UBR3: variants seen among roughly 807,000 people sequenced by gnomAD.
UBR3 encodes the protein ubiquitin protein ligase E3 component n-recognin 3, also known as E3 ubiquitin-protein ligase UBR3.
Under a neutral mutation model 243.2 loss-of-function variants are expected in UBR3, and 85 were observed. That is an observed-to-expected ratio of 0.35 (90% confidence interval 0.29 to 0.42). UBR3 has a LOEUF of 0.42. Ranked by LOEUF, UBR3 falls within the 10% of genes least tolerant of loss-of-function variation. UBR3 has a pLI of 1.00. For missense variants in UBR3, 1,686 were observed against 2,300.8 expected, an observed-to-expected ratio of 0.73 and a Z score of 5.47; for synonymous variants, 748 against 799.8, an observed-to-expected ratio of 0.94 and a Z score of 1.09.
intron 19 of UBR3, among the ~76,000 whole-genome samples, chr2:169,933,642 G>A (rs866559675): frequency 6.6e-6 from 1 of 151,958 alleles, no homozygotes; most frequent in Non-Finnish European, 1.5e-5. Context: ...TCTTTTACTT[G>A]TGCTTTCCTA....
At position 169,827,837 on chromosome 2, in the gene UBR3, G is replaced by A. The variant is rs966266682; in HGVS notation, c.330G>A (p.Ala110=). The A allele has an allele frequency of 1.8e-5, 27 of 1,503,496 alleles. No homozygotes were observed. In the African/African-American group the frequency reaches 2.9e-4, roughly 16 times the overall value. 93.1% of individuals were successfully genotyped at this position (1,503,496 alleles called of 1,614,324 possible). A position where few individuals can be genotyped will look rare whatever the true frequency, so the allele number is the denominator to read the frequency against. The change falls in exon 1 of 39, where the codon GCG becomes GCA. Residue 110 remains alanine, a synonymous_variant. Coordinates refer to ENST00000272793, the MANE Select transcript of UBR3 (RefSeq NM_172070.4). ...GGGGYDEFCA[A]VRAYDPAALC... ...GCGGCTACGACGAGTTCTGCGCGGC[G>A]GTGCGGGCCTACGATCCCGCGGCGC...
chr2:169,906,598 A>T (rs1310265254), intron 10 of UBR3, among the ~76,000 whole-genome samples: 1 of 151,954 alleles, frequency 6.6e-6, no homozygotes, highest in Non-Finnish European at 1.5e-5. Context: ...GTCTCCAGAA[A>T]CCTTGGGCAG....
rs35294426 is a variant in UBR3, at chr2:170,082,378, A to AT, written c.*541dup. The AT allele has an allele frequency of 1.3e-5, 2 of 152,582 alleles. No individual in the cohort carries two copies. Among genetic ancestry groups the AT allele is most frequent in the Non-Finnish European group, 2.9e-5 (2 of 68,028 alleles). The allele number at this position is 152,582 out of a possible 1,614,324, so 9.5% of individuals were successfully genotyped here. Reference sequence around the variant, plus strand: ...GTTGGTCTAATAGTAGAACTTTAAAATTTTTTCTTATTGTGAGGAATCTGT... The same window carrying AT: ...GTTGGTCTAATAGTAGAACTTTAAAATTTTTTTCTTATTGTGAGGAATCTGT... On this transcript the variant is annotated 3_prime_UTR_variant, in exon 39 of 39. Transcript: ENST00000272793.
At chr2:169,862,568 T>C (rs542772252) in intron 1 of UBR3, among the ~76,000 whole-genome samples, 52 of 152,360 alleles carry the variant, frequency 3.4e-4, no homozygotes, top group African/African-American at 1.0e-3. Context: ...TCATCTCTGA[T>C]AAAGCTACTT....
intron 32 of UBR3, among the ~76,000 whole-genome samples, chr2:170,055,115 T>C (rs1487073064): frequency 6.6e-6 from 1 of 152,118 alleles, no homozygotes; most frequent in East Asian, 1.9e-4. Flanking sequence ...CTGGGCAACA[T>C]AGGGAGGCCC....
chr2:169,851,834 CT>C (rs2082668470), intron 1 of UBR3, among the ~76,000 whole-genome samples: 2 of 127,620 alleles, frequency 1.6e-5, no homozygotes, highest in African/African-American at 6.5e-5. Flanking sequence ...AAGGCTCCGT[CT>C]CAAAAAAAAA....
chr2:169,862,078 G>T (rs186535583), intron 1 of UBR3, among the ~76,000 whole-genome samples: 2 of 152,012 alleles, frequency 1.3e-5, no homozygotes, highest in Admixed American at 1.3e-4. Flanking sequence ...CATATTGTTT[G>T]TTTCTGCTTC....
At chr2:169,878,454 C>A in intron 4 of UBR3, 71 bp from the exon 5 acceptor site, 1 of 1,407,228 alleles carries the variant, frequency 7.1e-7, no homozygotes, top group Non-Finnish European at 9.8e-7. Context: ...ATTTGTATTT[C>A]TCAGAATAAT....
intron 18 of UBR3, among the ~76,000 whole-genome samples, chr2:169,932,451 A>G (rs748831372): frequency 6.6e-6 from 1 of 151,974 alleles, no homozygotes; most frequent in Non-Finnish European, 1.5e-5. Context: ...TTTTTGGGAA[A>G]TGAGGTCTGT....
intron 1 of UBR3, among the ~76,000 whole-genome samples, chr2:169,855,936 G>T (rs975924264): frequency 3.3e-5 from 5 of 150,332 alleles, no homozygotes; most frequent in African/African-American, 4.9e-5. Flanking sequence ...AGGCAGAGGC[G>T]CCCCCCACCT....
chr2:169,905,362 A>G (rs1236052458), intron 9 of UBR3, 69 bp downstream of exon 9: 10 of 1,203,274 alleles, frequency 8.3e-6, no homozygotes, highest in African/African-American at 3.1e-5. Flanking sequence ...TTAAATATCA[A>G]TTAAAATACA....
intron 1 of UBR3, among the ~76,000 whole-genome samples, chr2:169,831,728 A>G (rs2081947783): frequency 6.6e-6 from 1 of 152,206 alleles, no homozygotes; most frequent in Admixed American, 6.5e-5. Context: ...TAGAACTGGA[A>G]ATCATCAACA....
At chr2:169,897,032 A>G (rs770080402) in intron 8 of UBR3, among the ~76,000 whole-genome samples, 18 of 152,240 alleles carry the variant, frequency 1.2e-4, no homozygotes, top group Non-Finnish European at 1.2e-4. Context: ...GCACTTTGCT[A>G]TATTTCTTTT....
intron 1 of UBR3, among the ~76,000 whole-genome samples, chr2:169,831,128 T>TATATATATATATATATATATATATATA (rs1491457428): frequency 4.1e-4 from 15 of 36,402 alleles, no homozygotes; most frequent in Non-Finnish European, 4.6e-4. Flanking sequence ...TATATATATA[T>TATATATATATATATATATATATATATA]TTTTTTTTTT....
At chr2:169,962,195 CT>C (rs1470787885) in intron 24 of UBR3, among the ~76,000 whole-genome samples, 1 of 151,952 alleles carries the variant, frequency 6.6e-6, no homozygotes, top group African/African-American at 2.4e-5. Flanking sequence ...GGTTGTGAAA[CT>C]TCCTGTCCCA....
At chr2:169,920,582 C>T (rs576164580) in intron 11 of UBR3, among the ~76,000 whole-genome samples, 5 of 152,176 alleles carry the variant, frequency 3.3e-5, no homozygotes, top group Non-Finnish European at 7.3e-5. Context: ...CCTGCCTTTG[C>T]TTTGCCCTGA....
intron 1 of UBR3, among the ~76,000 whole-genome samples, chr2:169,828,905 G>C (rs1321220602): frequency 1.3e-5 from 2 of 152,186 alleles, no homozygotes; most frequent in Non-Finnish European, 1.5e-5. Flanking sequence ...TATGAGAAAA[G>C]ACATTTCAGA....
intron 11 of UBR3, 31 bp from the exon 12 acceptor site, chr2:169,923,896 CTT>C: frequency 6.6e-7 from 1 of 1,508,334 alleles, no homozygotes; most frequent in Non-Finnish European, 8.9e-7. Flanking sequence ...ATAAAATAGT[CTT>C]TGACTTGTGC....
In UBR3 at chr2:170,081,763, A is replaced by G. The variant is rs1441717708; in HGVS notation, c.5587A>G (p.Lys1863Glu). Residue 1863 changes from lysine (K) to glutamate (E), a missense_variant, in exon 39 of 39, where the codon AAA becomes GAA. Physicochemically the swap from Lys to Glu is moderately conservative, Grantham distance 56. Around this residue, in one of 8 missense-constraint regions of UBR3, gnomAD observed 89 missense variants for 183.3 expected, o/e 0.49. Coordinates refer to ENST00000272793, the MANE Select transcript of UBR3 (RefSeq NM_172070.4). Reference protein sequence around the residue: ...KPLYICKERYKVLEQQWISHT... With the variant: ...KPLYICKERYEVLEQQWISHT... ...TCTCTACATTTGTAAGGAAAGATAC[A>G]AAGTTCTTGAGCAACAGTGGATTTC... The G allele has an allele frequency of 6.2e-7, 1 of 1,608,900 alleles. No homozygotes were observed. The highest frequency in any genetic ancestry group is 1.3e-5 in the African/African-American group (1 of 74,732).
Sources: gnomAD v4.1 joint callset for allele counts (sites outside exome capture counted in the v4.1 genomes callset) on GRCh38, gnomAD v4.1.1 for gene constraint, gnomAD v4.1.1 regional missense constraint, MANE v1.5 for transcripts, NCBI Gene and HGNC (gene_info 2026-07-23, HGNC 2026-07-21) for gene names.